MIA2: variants seen among roughly 807,000 people sequenced by gnomAD.
The protein encoded by MIA2 is MIA SH3 domain ER export factor 2, also known as melanoma inhibitory activity protein 2.
Under a neutral mutation model 167.8 loss-of-function variants are expected in MIA2, and 127 were observed. The observed-to-expected ratio is 0.76, with a 90% CI of 0.66 to 0.88. The LOEUF (loss-of-function observed/expected upper bound fraction) is 0.88. MIA2 is among the 40% of genes least tolerant of loss of function. The pLI is 0.00. For missense variants in MIA2, 1,690 were observed against 1,624.7 expected (o/e 1.04, Z -0.69); for synonymous variants, 552 against 541.9 (o/e 1.02, Z -0.26).
intron 4 of MIA2, among the ~76,000 whole-genome samples, chr14:39,252,428 C>G (rs752936707): frequency 8.5e-5 from 13 of 152,132 alleles, no homozygotes; most frequent in Non-Finnish European, 1.6e-4. Context: ...GCAGAAAAAG[C>G]AAGGAAATAG....
downstream of MIA2, among the ~76,000 whole-genome samples, chr14:39,355,866 G>A (rs1010726906): frequency 1.3e-4 from 20 of 152,124 alleles, no homozygotes; most frequent in South Asian, 1.5e-3. Flanking sequence ...ATTGATTTGC[G>A]TATGTTGAAC....
intron 14 of MIA2, among the ~76,000 whole-genome samples, chr14:39,300,742 A>G (rs1229284778): frequency 6.6e-6 from 1 of 151,824 alleles, no homozygotes; most frequent in Non-Finnish European, 1.5e-5. Flanking sequence ...GGTACAGCAC[A>G]CCAACATGGC....
intron 3 of MIA2, among the ~76,000 whole-genome samples, chr14:39,242,284 A>G (rs917987686): frequency 1.3e-5 from 2 of 151,762 alleles, no homozygotes; most frequent in African/African-American, 2.4e-5. Context: ...TTGCTTCTTA[A>G]TCACAGCTTT....
intron 25 of MIA2, among the ~76,000 whole-genome samples, chr14:39,341,077 A>G (rs926522534): frequency 1.3e-4 from 20 of 152,182 alleles, no homozygotes; most frequent in African/African-American, 4.8e-4. Flanking sequence ...TGAGGCGGGC[A>G]GATCACCTGA....
At chr14:39,267,154 C>G (rs1229270289) in intron 6 of MIA2, 1 of 1,161,368 alleles carries the variant, frequency 8.6e-7, no homozygotes, top group Non-Finnish European at 1.1e-6. Context: ...GCTGCCCGGC[C>G]GAAACCAAAC....
In MIA2 at chr14:39,373,306, C is replaced by CAAA. The variant is rs34602556; in HGVS notation, c.2249-13564_2249-13562dup. Among the ~76,000 whole-genome samples, 220 of 110,936 alleles carry CAAA rather than the reference C, an allele frequency of 2.0e-3. 3 individuals are homozygous for CAAA. The East Asian group carries it at 0.034, about 17-fold the overall frequency. The allele number at this position is 110,936 out of a possible 152,430, so 72.8% of individuals were successfully genotyped here. ...TGTTAAAAAGCAAAAAATTCTTGGC[C>CAAA]AAAAAAAAAAAAAAAAAGCATGCCA... On this transcript the variant is annotated intron_variant, in intron 23 of 23. Transcript: ENST00000341502.
At chr14:39,273,874 C>G (rs1016546997) in intron 6 of MIA2, among the ~76,000 whole-genome samples, 63 of 152,074 alleles carry the variant, frequency 4.1e-4, no homozygotes, top group Non-Finnish European at 9.0e-4. Context: ...TCTTCCTCCT[C>G]TATGTTTGGG....
chr14:39,347,713 A>G lies in MIA2; in HGVS notation c.3779A>G (p.Asp1260Gly). The change falls in exon 27 of 29, where the codon GAT becomes GGT. Residue 1260 changes from aspartate to glycine, a missense_variant and splice_region_variant. Coordinates refer to ENST00000640607, the MANE Select transcript of MIA2 (RefSeq NM_001329214.4). The part of the protein sequence containing the change: ...SFNMPSLDKM[D>G]GSMPSEMESS... ...TTCATGGTTTAACTTTTATGTCTAGATGGGTCAATGCCTTCAGAAATGGAA... is the reference window on the plus strand; with the variant it reads ...TTCATGGTTTAACTTTTATGTCTAGGTGGGTCAATGCCTTCAGAAATGGAA... The G allele has an allele frequency of 6.2e-7, 1 of 1,606,154 alleles. No individual in the cohort carries two copies. Among genetic ancestry groups the G allele is most frequent in the South Asian group, 1.1e-5 (1 of 90,878 alleles).
At chr14:39,306,937 T>G (rs1018689888) in intron 17 of MIA2, among the ~76,000 whole-genome samples, 3 of 152,196 alleles carry the variant, frequency 2.0e-5, no homozygotes, top group Admixed American at 6.5e-5. Flanking sequence ...ATGCATAAAT[T>G]ATAAAGCATT....
At chr14:39,255,124 T>C (rs1029996035) in intron 6 of MIA2, among the ~76,000 whole-genome samples, 3 of 152,138 alleles carry the variant, frequency 2.0e-5, no homozygotes, top group Non-Finnish European at 4.4e-5. Context: ...TTCAAGAGAG[T>C]TGACATTACA....
At chr14:39,249,083 A>G (rs2054442590) in intron 4 of MIA2, among the ~76,000 whole-genome samples, 1 of 152,130 alleles carries the variant, frequency 6.6e-6, no homozygotes, top group Admixed American at 6.5e-5. Flanking sequence ...ATTAAATTAG[A>G]TCTTATTCTA....
intron 25 of MIA2, among the ~76,000 whole-genome samples, chr14:39,340,928 T>G (rs888197725): frequency 2.0e-4 from 30 of 152,188 alleles, no homozygotes; most frequent in Admixed American, 2.0e-3. Flanking sequence ...CAGGGACAAA[T>G]GTAAACAACT....
chr14:39,373,423 A>AT (rs2074987943), intron 23 of MIA2, among the ~76,000 whole-genome samples: 1 of 151,788 alleles, frequency 6.6e-6, no homozygotes, highest in African/African-American at 2.4e-5. Context: ...TTTAAAGTAT[A>AT]TTTTAAAAAT....
intron 9 of MIA2, among the ~76,000 whole-genome samples, chr14:39,285,796 C>T (rs563820274): frequency 2.8e-3 from 424 of 152,034 alleles, no homozygotes; most frequent in African/African-American, 9.8e-3. Flanking sequence ...GGGCTCCTCA[C>T]TTCTCAGATG....
rs542282969 is a variant in MIA2 at position 39,267,616 on chromosome 14, C to G, written c.1888-9318C>G. 1.7e-4 allele frequency: 241 copies of G among 1,460,194 alleles called. 1 individual carries two copies. The highest frequency in any genetic ancestry group is 2.0e-4 in the Non-Finnish European group (218 of 1,077,242). 90.5% of individuals were successfully genotyped at this position (1,460,194 alleles called of 1,614,324 possible). A position where few individuals can be genotyped will look rare whatever the true frequency, so the allele number is the denominator to read the frequency against. ...AGACCGGCTTTGGGGTCTAAGCCGC[C>G]GTGGTCAGAGGTCCCGAAGCCAGTC... On this transcript the variant is annotated intron_variant, in intron 6 of 28. Coordinates refer to ENST00000640607, the MANE Select transcript of MIA2 (RefSeq NM_001329214.4).
chr14:39,355,992 A>G (rs1398622439), downstream of MIA2, among the ~76,000 whole-genome samples: 1 of 152,186 alleles, frequency 6.6e-6, no homozygotes, highest in Non-Finnish European at 1.5e-5. Context: ...AATGTTCATC[A>G]GGGATATTGG....
intron 13 of MIA2, among the ~76,000 whole-genome samples, chr14:39,298,933 T>G (rs1416158619): frequency 6.6e-6 from 1 of 150,980 alleles, no homozygotes; most frequent in Non-Finnish European, 1.5e-5. Flanking sequence ...AAAATAAAAA[T>G]AAAAAAATTA....
At position 39,277,742 on chromosome 14, in the gene MIA2, A is replaced by ATATG. The variant is rs1555358714; in HGVS notation, c.2019+678_2019+679insATGT. ...TGTGTATATATATATATATATATAT[A>ATATG]TGTGTGTATATATATATATATATAT... is the stretch of plus-strand genomic sequence containing the variant. On this transcript the variant is annotated intron_variant, in intron 7 of 28. Transcript: ENST00000640607. 3.0e-3 allele frequency among the ~76,000 whole-genome samples: 8 copies of ATATG among 2,628 alleles called. 3 individuals are homozygous for ATATG. Among genetic ancestry groups the ATATG allele is most frequent in the East Asian group, 0.071 (2 of 28 alleles). 1.7% of individuals were successfully genotyped at this position (2,628 alleles called of 152,430 possible).
chr14:39,297,108 T>A (rs2061539360), intron 13 of MIA2, among the ~76,000 whole-genome samples: 1 of 149,192 alleles, frequency 6.7e-6, no homozygotes, highest in African/African-American at 2.5e-5. Context: ...ATATATATTT[T>A]TTTTGTGACA....
Sources: gnomAD v4.1 joint callset for allele counts (sites outside exome capture counted in the v4.1 genomes callset) on GRCh38, gnomAD v4.1.1 for gene constraint, MANE v1.5 for transcripts, NCBI Gene and HGNC (gene_info 2026-07-23, HGNC 2026-07-21) for gene names.